LRP1B: variants seen among roughly 807,000 people sequenced by gnomAD.
The protein encoded by LRP1B is LDL receptor related protein 1B.
In LRP1B, 217 loss-of-function variants were observed where a neutral mutation model predicts 556.6. The ratio of observed to expected loss-of-function variants is 0.39; its 90% CI spans 0.35 to 0.44. The LOEUF is 0.44. Ranked by LOEUF, LRP1B falls within the 20% of genes least tolerant of loss-of-function variation. The pLI is 1.00. For synonymous variants in LRP1B, 2,047 were observed against 1,865.8 expected, an observed-to-expected ratio of 1.10 and a Z score of -2.50; for missense variants, 5,053 against 5,620.8, an observed-to-expected ratio of 0.90 and a Z score of 3.23.
chr2:142,062,965 G>A (rs1264650253), intron 1 of LRP1B, among the ~76,000 whole-genome samples: 1 of 148,790 alleles, frequency 6.7e-6, no homozygotes, highest in African/African-American at 2.5e-5. Flanking sequence ...AAAGATGGAA[G>A]CATTACCTGA....
chr2:140,297,893 T>C lies in LRP1B; in HGVS notation c.12882A>G (p.Gln4294=). 6.2e-7 allele frequency: 1 copy of C among 1,614,028 alleles called. No homozygotes were observed. Among genetic ancestry groups the C allele is most frequent in the Non-Finnish European group, 8.5e-7 (1 of 1,179,920 alleles). ...CAGTCACAATGCAGGTTCCTCCATT[T>C]TGACAAAAATCCTCACAGACTGTCT... The part of the protein sequence containing the change: ...CGKTVCEDFC[Q]NGGTCIVTAG... Residue 4294 remains glutamine, a synonymous_variant, in exon 84 of 91, where the codon CAA becomes CAG. Coordinates refer to ENST00000389484, the MANE Select transcript of LRP1B (RefSeq NM_018557.3).
chr2:140,702,601 G>A (rs1165132081), intron 37 of LRP1B, 48 bp from the exon 38 acceptor site: 2 of 1,575,876 alleles, frequency 1.3e-6, no homozygotes, highest in Middle Eastern at 1.7e-4. Flanking sequence ...TTTATTTGTA[G>A]TATGCAGAGC....
chr2:140,348,898 AG>A (rs775945647), intron 77 of LRP1B, among the ~76,000 whole-genome samples: 17 of 152,132 alleles, frequency 1.1e-4, no homozygotes, highest in Non-Finnish European at 2.4e-4. Context: ...TTCTGGCACC[AG>A]GGACCAGTTT....
chr2:141,146,347 A>G (rs1701784882), intron 7 of LRP1B, among the ~76,000 whole-genome samples: 2 of 152,190 alleles, frequency 1.3e-5, no homozygotes, highest in South Asian at 2.1e-4. Flanking sequence ...TCTTTCTAAT[A>G]TGTTTGGAGG....
At chr2:141,175,215 G>A (rs1680683294) in intron 7 of LRP1B, among the ~76,000 whole-genome samples, 1 of 152,082 alleles carries the variant, frequency 6.6e-6, no homozygotes, top group Non-Finnish European at 1.5e-5. Flanking sequence ...TTACAGCCTG[G>A]GCATGTGATA....
At chr2:141,571,549 C>T (rs1223978134) in intron 2 of LRP1B, among the ~76,000 whole-genome samples, 2 of 152,084 alleles carry the variant, frequency 1.3e-5, no homozygotes, top group Admixed American at 6.6e-5. Flanking sequence ...AATGTCTCTC[C>T]ATCAAGGGTC....
chr2:140,301,156 T>TC, intron 83 of LRP1B, among the ~76,000 whole-genome samples: 1 of 152,126 alleles, frequency 6.6e-6, no homozygotes, highest in East Asian at 1.9e-4. Context: ...GAGTCTTTCT[T>TC]CCCCCTTTAG....
In LRP1B at chr2:141,579,724, C is replaced by CT. The variant is rs33913417; in HGVS notation, c.206-99192dup. 5.9e-3 allele frequency among the ~76,000 whole-genome samples: 593 copies of CT among 100,932 alleles called. 60 individuals are homozygous for CT. The highest frequency in any genetic ancestry group is 0.019 in the Middle Eastern group (3 of 158). The allele number at this position is 100,932 out of a possible 152,430, so 66.2% of individuals were successfully genotyped here. On this transcript the variant is annotated intron_variant, in intron 2 of 90. Coordinates refer to ENST00000389484, the MANE Select transcript of LRP1B (RefSeq NM_018557.3). ...CATAAGGAAAACATATCAGGTTTCA[C>CT]TTTTTTTTTTTTTTTTTTGAGACGG...
chr2:141,894,372 C>G (rs905872669), intron 1 of LRP1B, among the ~76,000 whole-genome samples: 2 of 151,980 alleles, frequency 1.3e-5, no homozygotes, highest in African/African-American at 2.4e-5. Flanking sequence ...CTGCCCTACC[C>G]CCTCCCTCCT....
intron 83 of LRP1B, among the ~76,000 whole-genome samples, chr2:140,303,666 C>A (rs978317544): frequency 1.1e-4 from 16 of 151,834 alleles, no homozygotes; most frequent in Non-Finnish European, 2.9e-5. Flanking sequence ...AATAAAAAAT[C>A]TTTTTATTAT....
intron 7 of LRP1B, among the ~76,000 whole-genome samples, chr2:141,116,266 A>G (rs2104982576): frequency 6.6e-6 from 1 of 152,340 alleles, no homozygotes; most frequent in East Asian, 1.9e-4. Flanking sequence ...TAAAATAAAG[A>G]TACTAAGTGC....
At chr2:140,477,194 A>G (rs1165691731) in intron 59 of LRP1B, among the ~76,000 whole-genome samples, 1 of 152,068 alleles carries the variant, frequency 6.6e-6, no homozygotes, top group Non-Finnish European at 1.5e-5. Context: ...CCTTGTTGAA[A>G]TAAATCAGAA....
chr2:141,411,845 T>C (rs1413953347), intron 3 of LRP1B, among the ~76,000 whole-genome samples: 1 of 152,126 alleles, frequency 6.6e-6, no homozygotes, highest in Non-Finnish European at 1.5e-5. Flanking sequence ...AGTGCTAGAA[T>C]GTATTGATTT....
chr2:142,093,982 C>T (rs1706268476), intron 1 of LRP1B, among the ~76,000 whole-genome samples: 1 of 151,978 alleles, frequency 6.6e-6, no homozygotes, highest in African/African-American at 2.4e-5. Context: ...AACCTAGAGG[C>T]TGGGAATTCC....
intron 1 of LRP1B, among the ~76,000 whole-genome samples, chr2:141,825,387 C>G (rs146772561): frequency 6.6e-6 from 1 of 152,210 alleles, no homozygotes; most frequent in Admixed American, 6.5e-5. Context: ...CTAGTATTCT[C>G]CAGAATCAAA....
In LRP1B at chr2:141,964,354, G is replaced by C. The variant is rs929011370; in HGVS notation, c.83-153953C>G. ...ACCTGACTTCAAACTATACTACAAG[G>C]CTACAGTAACCAAAACAGCATGGTA... On this transcript the variant is annotated intron_variant, in intron 1 of 90. Transcript: ENST00000389484. Among the ~76,000 whole-genome samples the C allele has an allele frequency of 3.4e-5, 5 of 147,214 alleles. No individual in the cohort carries two copies. The South Asian group carries it at 1.1e-3, about 33-fold the overall frequency.
intron 1 of LRP1B, among the ~76,000 whole-genome samples, chr2:141,871,712 C>T (rs1393548608): frequency 1.3e-5 from 2 of 151,788 alleles, no homozygotes; most frequent in African/African-American, 4.8e-5. Flanking sequence ...GATAATAACT[C>T]AAAATAGATG....
At chr2:140,439,998 C>T (rs991589822) in intron 66 of LRP1B, among the ~76,000 whole-genome samples, 1 of 152,006 alleles carries the variant, frequency 6.6e-6, no homozygotes, top group African/African-American at 2.4e-5. Context: ...CTTGCTTCTA[C>T]ATTGTTTTCT....
chr2:140,528,723 T>C (rs567245136), intron 47 of LRP1B, among the ~76,000 whole-genome samples: 1 of 151,870 alleles, frequency 6.6e-6, no homozygotes, highest in South Asian at 2.1e-4. Context: ...GCAAGGTGAC[T>C]GTGGGGATTA....
Sources: allele counts gnomAD v4.1 joint callset (sites outside exome capture counted in the v4.1 genomes callset), GRCh38; gene constraint gnomAD v4.1.1; transcripts MANE v1.5; gene names NCBI Gene and HGNC (gene_info 2026-07-23, HGNC 2026-07-21).